The following PKD1L1 variants were observed in gnomAD, a reference collection of about 807,000 sequenced individuals.
The protein encoded by PKD1L1 is polycystin 1 like 1, transient receptor potential channel interacting, also known as polycystin-1-like protein 1.
PKD1L1 carries 236 observed loss-of-function variants against 323.4 expected under a neutral mutation model. That is an observed-to-expected ratio of 0.73 (90% CI 0.66 to 0.81). The LOEUF is 0.81. Ranked by LOEUF, PKD1L1 falls within the 40% of genes least tolerant of loss-of-function variation. The probability of loss-of-function intolerance (pLI) is 0.00; values close to 1 mark genes in which losing one functional copy is unlikely to be tolerated. For synonymous variants in PKD1L1, 1,344 were observed against 1,335.0 expected (o/e 1.01, Z -0.15); for missense variants, 3,320 against 3,508.0 (o/e 0.95, Z 1.35).
intron 30 of PKD1L1, among the ~76,000 whole-genome samples, chr7:47,854,190 T>C (rs10951931): frequency 0.98 from 149,759 of 152,262 alleles, 73,697 homozygotes; most frequent in East Asian, 1. Flanking sequence ...ACAGCGCCTG[T>C]GTAAGATACA....
At chr7:47,805,725 AATG>A (rs1213492766) in intron 52 of PKD1L1, among the ~76,000 whole-genome samples, 11 of 152,180 alleles carry the variant, frequency 7.2e-5, no homozygotes, top group African/African-American at 2.7e-4. Context: ...TGTGCTTAGG[AATG>A]CAGTTACCCA....
At chr7:47,788,348 T>A (rs1411882678) in intron 56 of PKD1L1, among the ~76,000 whole-genome samples, 1 of 150,336 alleles carries the variant, frequency 6.7e-6, no homozygotes, top group Non-Finnish European at 1.5e-5. Flanking sequence ...GGAAATGCAG[T>A]GGTGCGATCT....
Position 47,882,055 on chromosome 7 carries a change from G to A in PKD1L1, c.3296C>T (p.Pro1099Leu), listed in dbSNP as rs377167694. The A allele has an allele frequency of 5.6e-6, 9 of 1,613,332 alleles. No homozygotes were observed. In the African/African-American group the frequency reaches 1.1e-4, roughly 19 times the overall value. ...AGGGCTCTCCTCGGCACTCAAGCTA[G>A]GTCCTGATCCTGGAAAGCTGGTGTC... ...AKDTSFPGSG[P>L]SLSAEESPGD... The change falls in exon 20 of 57, where the codon CCT becomes CTT. Residue 1099 changes from proline to leucine, a missense_variant. Transcript: ENST00000289672.
At chr7:47,807,132 T>C (rs1237721395) in intron 52 of PKD1L1, among the ~76,000 whole-genome samples, 1 of 152,102 alleles carries the variant, frequency 6.6e-6, no homozygotes, top group Admixed American at 6.6e-5. Context: ...TTTGCCTTGC[T>C]TGTGCGAGTG....
chr7:47,859,383 G>C (rs1785975733), intron 26 of PKD1L1, among the ~76,000 whole-genome samples: 1 of 152,200 alleles, frequency 6.6e-6, no homozygotes, highest in South Asian at 2.1e-4. Context: ...ATGCCCTCCA[G>C]ATTCCTCTAC....
rs1290313880 is a variant in PKD1L1 at position 47,840,190 on chromosome 7, T to C, written c.5552+271A>G. 6.6e-6 allele frequency among the ~76,000 whole-genome samples: 1 copy of C among 152,202 alleles called. No individual in the cohort carries two copies. The highest frequency in any genetic ancestry group is 1.5e-5 in the Non-Finnish European group (1 of 68,042). The stretch of plus-strand genomic sequence containing the variant: ...ATTAAGGTCAGAAGGTTTAGTGTCA[T>C]AGAAAACACTGATTATGAACTTTAC... On this transcript the variant is annotated intron_variant, in intron 35 of 56. Coordinates refer to ENST00000289672, the MANE Select transcript of PKD1L1 (RefSeq NM_138295.5). This position sits in a 1 kb window ranked among gnomAD's most constrained non-coding sequence, Gnocchi z 4.1.
At chr7:47,900,050 T>G (rs1787051835) in intron 13 of PKD1L1, among the ~76,000 whole-genome samples, 2 of 152,158 alleles carry the variant, frequency 1.3e-5, no homozygotes, top group African/African-American at 4.8e-5. Flanking sequence ...AAAGTTTACT[T>G]TTGACATTCT....
Position 47,940,230 on chromosome 7 carries a change from T to C in PKD1L1, c.248A>G (p.Glu83Gly). The C allele has an allele frequency of 6.2e-7, 1 of 1,614,154 alleles. No homozygotes were observed. Among genetic ancestry groups the C allele is most frequent in the Non-Finnish European group, 8.5e-7 (1 of 1,180,028 alleles). Residue 83 changes from glutamate to glycine, a missense_variant, in exon 3 of 57, where the codon GAA becomes GGA. Transcript: ENST00000289672. The part of the protein sequence containing the change: ...CALNGKAEDR[E>G]SQSPSSSASR... Reference sequence around the variant, plus strand: ...AGCTGATGAGGATGGGCTCTGTGATTCCCGGTCTTCTGCCTTTCCATTCAG... The same window carrying C: ...AGCTGATGAGGATGGGCTCTGTGATCCCCGGTCTTCTGCCTTTCCATTCAG...
chr7:47,882,162 T>G, intron 19 of PKD1L1, 77 bp from the exon 20 acceptor site: 1 of 1,435,168 alleles, frequency 7.0e-7, no homozygotes, highest in Non-Finnish European at 9.7e-7. Context: ...GATTCAATGC[T>G]GATATTAATA....
rs1420484248 is a variant in PKD1L1, at chr7:47,885,034, TAGA to T, written c.3206-380_3206-378del. Among the ~76,000 whole-genome samples, 5 of 152,320 alleles carry T rather than the reference TAGA, an allele frequency of 3.3e-5. No homozygotes were observed. The East Asian group carries it at 9.7e-4, about 29-fold the overall frequency. Reference sequence around the variant, plus strand: ...GAGAAAATGTCTCACTCTTTTCTTTTAGAAGGAGAGAAATGGACACAAGAATGC... The same window carrying T: ...GAGAAAATGTCTCACTCTTTTCTTTTAGGAGAGAAATGGACACAAGAATGC... On this transcript the variant is annotated intron_variant, in intron 18 of 56. Coordinates refer to ENST00000289672, the MANE Select transcript of PKD1L1 (RefSeq NM_138295.5).
intron 31 of PKD1L1, among the ~76,000 whole-genome samples, chr7:47,850,369 C>T (rs1465641556): frequency 1.3e-5 from 2 of 152,110 alleles, no homozygotes; most frequent in Non-Finnish European, 2.9e-5. Flanking sequence ...CCGTGGCTCA[C>T]GCCTGTAATC....
chr7:47,828,517 A>G (rs1019215443), intron 44 of PKD1L1, among the ~76,000 whole-genome samples: 2 of 151,678 alleles, frequency 1.3e-5, no homozygotes, highest in Non-Finnish European at 2.9e-5. Flanking sequence ...TGGGCCCCAG[A>G]CTCCCCTTTA....
intron 28 of PKD1L1, 75 bp from the exon 29 acceptor site, chr7:47,855,340 G>A: frequency 9.6e-7 from 1 of 1,044,432 alleles, no homozygotes; most frequent in Non-Finnish European, 1.4e-6. Context: ...GCAAACCAAA[G>A]TATCGTGGTG....
intron 36 of PKD1L1, among the ~76,000 whole-genome samples, chr7:47,838,989 C>T (rs962334852): frequency 9.9e-5 from 15 of 151,742 alleles, no homozygotes; most frequent in African/African-American, 2.7e-4. Flanking sequence ...GCAAAAATCA[C>T]GACTTCCATG....
At position 47,803,201 on chromosome 7, in the gene PKD1L1, A is replaced by G; in HGVS notation, c.7962+9T>C. On this transcript the variant is annotated intron_variant, in intron 53 of 56. Transcript: ENST00000289672. ...AGGGAAATCACCTGATAAAGGGGAGAGTTCTTACCCCTGCTACAAAGATGC... is the reference window on the plus strand; with the variant it reads ...AGGGAAATCACCTGATAAAGGGGAGGGTTCTTACCCCTGCTACAAAGATGC... The G allele has an allele frequency of 1.2e-6, 2 of 1,614,044 alleles. No individual in the cohort carries two copies. Among genetic ancestry groups the G allele is most frequent in the Non-Finnish European group, 1.7e-6 (2 of 1,179,952 alleles).
At chr7:47,922,561 C>T (rs1031378904) in intron 7 of PKD1L1, among the ~76,000 whole-genome samples, 3 of 151,730 alleles carry the variant, frequency 2.0e-5, no homozygotes, top group Non-Finnish European at 2.9e-5. Flanking sequence ...TGCCAGGCCG[C>T]GACCCCGTCT....
At chr7:47,821,507 G>T (rs1008506110) in intron 45 of PKD1L1, among the ~76,000 whole-genome samples, 1 of 152,090 alleles carries the variant, frequency 6.6e-6, no homozygotes, top group Non-Finnish European at 1.5e-5. Context: ...GACCTCAGGT[G>T]ATCCACCTGC....
chr7:47,936,393 G>A (rs753595061), intron 4 of PKD1L1, among the ~76,000 whole-genome samples: 2 of 152,094 alleles, frequency 1.3e-5, no homozygotes, highest in African/African-American at 2.4e-5. Flanking sequence ...ACTACTCTAG[G>A]GACCTCGCAT....
At chr7:47,825,995 T>G (rs907093988) in intron 45 of PKD1L1, among the ~76,000 whole-genome samples, 2 of 152,132 alleles carry the variant, frequency 1.3e-5, no homozygotes, top group Non-Finnish European at 2.9e-5. Flanking sequence ...GGCTACGTCC[T>G]GGCAGAGCTG....
Sources: allele counts gnomAD v4.1 joint callset (sites outside exome capture counted in the v4.1 genomes callset), GRCh38; gene constraint gnomAD v4.1.1; non-coding constraint Gnocchi (gnomAD v3.1); transcripts MANE v1.5; gene names NCBI Gene and HGNC (gene_info 2026-07-23, HGNC 2026-07-21).